Variants in CENPP observed in about 807,000 individuals in gnomAD.
CENPP encodes the protein centromere protein P.
CENPP carries 24 observed loss-of-function variants against 35.6 expected under a neutral mutation model. The ratio of observed to expected loss-of-function variants is 0.67; its 90% CI spans 0.49 to 0.95. The LOEUF is 0.95. CENPP is among the 40% of genes least tolerant of loss of function. CENPP has a pLI of 0.00. For synonymous variants in CENPP, 120 were observed against 125.5 expected, an observed-to-expected ratio of 0.96 and a Z score of 0.29; for missense variants, 332 against 345.3, an observed-to-expected ratio of 0.96 and a Z score of 0.31.
rs1315247476 is a variant in CENPP, at chr9:92,539,333, GC to G, written c.565-71979del. 7.6e-4 allele frequency: 114 copies of G among 150,694 alleles called. 1 individual carries two copies. Among genetic ancestry groups the G allele is most frequent in the African/African-American group, 2.6e-3 (106 of 40,644 alleles). 9.3% of individuals were successfully genotyped at this position (150,694 alleles called of 1,614,324 possible). A position where few individuals can be genotyped will look rare whatever the true frequency, so the allele number is the denominator to read the frequency against. On this transcript the variant is annotated intron_variant, in intron 5 of 7. Transcript: ENST00000375587. Reference sequence around the variant, plus strand: ...GCTTCAATCCTGCCAGGTTTCTCCCGCCTTCCCCCGCTCCCCCACCCCCCAC... The same window carrying G: ...GCTTCAATCCTGCCAGGTTTCTCCCGCTTCCCCCGCTCCCCCACCCCCCAC...
chr9:92,383,699 C>T (rs561563287), intron 5 of CENPP, among the ~76,000 whole-genome samples: 1 of 151,842 alleles, frequency 6.6e-6, no homozygotes, highest in Non-Finnish European at 1.5e-5. Flanking sequence ...CATATATATC[C>T]TCTTATCTAG....
chr9:92,552,716 A>G (rs1849642232), intron 5 of CENPP, among the ~76,000 whole-genome samples: 1 of 151,634 alleles, frequency 6.6e-6, no homozygotes, highest in South Asian at 2.1e-4. Context: ...GATTTGTTTG[A>G]GTTCGTTGTA....
At chr9:92,591,503 T>C (rs2131918) in intron 5 of CENPP, among the ~76,000 whole-genome samples, 100,473 of 151,070 alleles carry the variant, frequency 0.67, 35,081 homozygotes, top group African/African-American at 0.89. Flanking sequence ...TGTGTGTCAA[T>C]CCTAACTCAA....
intron 3 of CENPP, chr9:92,339,577 G>C (rs1034759395): frequency 2.6e-5 from 4 of 152,246 alleles, no homozygotes; most frequent in African/African-American, 7.2e-5. Flanking sequence ...GTGTAGTATA[G>C]CATTGCCTAG....
chr9:92,415,011 CCAA>C, intron 5 of CENPP: 2 of 585,776 alleles, frequency 3.4e-6, no homozygotes, highest in Non-Finnish European at 5.6e-6. Flanking sequence ...GCAGATGTCA[CCAA>C]CAACTTAAAT....
chr9:92,593,604 TGTTTTGA>T lies in CENPP; in HGVS notation c.565-17704_565-17698del, dbSNP rs966731484. On this transcript the variant is annotated intron_variant, in intron 5 of 7. Coordinates refer to ENST00000375587, the MANE Select transcript of CENPP (RefSeq NM_001012267.3). The surrounding 1 kb of genome is among the most constrained non-coding windows in gnomAD (Gnocchi z 4.1). The stretch of plus-strand genomic sequence containing the variant: ...TGGTGTTTGCTACTCTTCTGTTATC[TGTTTTGA>T]GTTTTAAGTCAAGCCCATAATAAGC... 2.6e-5 allele frequency among the ~76,000 whole-genome samples: 4 copies of T among 152,214 alleles called. No individual in the cohort carries two copies. Among genetic ancestry groups the T allele is most frequent in the African/African-American group, 7.2e-5 (3 of 41,448 alleles).
intron 5 of CENPP, among the ~76,000 whole-genome samples, chr9:92,590,685 T>C (rs1000409874): frequency 6.6e-6 from 1 of 152,246 alleles, no homozygotes; most frequent in African/African-American, 2.4e-5. Context: ...GTACAATCCC[T>C]TTCCATGTGT....
intron 5 of CENPP, chr9:92,386,203 G>T: frequency 1.3e-6 from 2 of 1,596,480 alleles, no homozygotes; most frequent in South Asian, 2.2e-5. Context: ...TATCATACCT[G>T]AAGATGAATT....
intron 5 of CENPP, among the ~76,000 whole-genome samples, chr9:92,567,377 T>TATAGATATATATATATATAGATATAG (rs1401492838): frequency 2.3e-5 from 2 of 87,542 alleles, no homozygotes; most frequent in African/African-American, 1.2e-4. Flanking sequence ...AAGATAGATA[T>TATAGATATATATATATATAGATATAG]ATATATATAT....
intron 5 of CENPP, among the ~76,000 whole-genome samples, chr9:92,606,840 A>G (rs1316843330): frequency 1.3e-5 from 2 of 152,004 alleles, no homozygotes; most frequent in Non-Finnish European, 2.9e-5. Context: ...GGAGGTGCCT[A>G]TAGTCCCAGC....
intron 4 of CENPP, among the ~76,000 whole-genome samples, chr9:92,362,993 CTTA>C (rs771075549): frequency 8.5e-5 from 13 of 152,152 alleles, no homozygotes; most frequent in Admixed American, 3.3e-4. Context: ...GTGTTAATTC[CTTA>C]TTATATTTTT....
intron 5 of CENPP, among the ~76,000 whole-genome samples, chr9:92,512,398 C>G (rs980301595): frequency 6.6e-6 from 1 of 152,164 alleles, no homozygotes; most frequent in Non-Finnish European, 1.5e-5. Flanking sequence ...CTTAACACAG[C>G]CAGAATGTGG....
At chr9:92,389,764 G>A (rs1842592741) in intron 5 of CENPP, 4 of 789,670 alleles carry the variant, frequency 5.1e-6, no homozygotes, top group Admixed American at 5.6e-5. Flanking sequence ...GTTTTTAAGT[G>A]TAATCAAAAT....
Position 92,326,636 on chromosome 9 carries a change from A to G in CENPP, c.107+531A>G, listed in dbSNP as rs376271248. Among the ~76,000 whole-genome samples the G allele has an allele frequency of 1.4e-4, 21 of 152,344 alleles. No homozygotes were observed. In the East Asian group the frequency reaches 1.7e-3, roughly 13 times the overall value. ...TGTTAGCCCTGTTTTATAGTTGAAG[A>G]AACTGAGGCTCAGAGAAGTTAGGTA... On this transcript the variant is annotated intron_variant, in intron 1 of 7. Transcript: ENST00000375587.
chr9:92,331,017 G>A (rs1439410742), intron 1 of CENPP, among the ~76,000 whole-genome samples: 1 of 151,746 alleles, frequency 6.6e-6, no homozygotes, highest in Non-Finnish European at 1.5e-5. Context: ...TTTTCTCAAG[G>A]AAAATATATT....
At chr9:92,490,037 C>T (rs1183781302) in intron 5 of CENPP, among the ~76,000 whole-genome samples, 1 of 152,218 alleles carries the variant, frequency 6.6e-6, no homozygotes, top group Non-Finnish European at 1.5e-5. Flanking sequence ...GGCCTGGAAG[C>T]CTTGAGCGAG....
At chr9:92,580,212 T>A (rs1483194720) in intron 5 of CENPP, among the ~76,000 whole-genome samples, 1 of 152,150 alleles carries the variant, frequency 6.6e-6, no homozygotes, top group Non-Finnish European at 1.5e-5. Context: ...GCCAGTATTT[T>A]ATTGAGGATT....
intron 5 of CENPP, chr9:92,522,587 T>C: frequency 6.2e-7 from 1 of 1,612,154 alleles, no homozygotes; most frequent in Non-Finnish European, 8.5e-7. Context: ...GGTAACACAT[T>C]ATAACTTGAT....
rs1213825480 is a variant in CENPP, at chr9:92,594,892, C to CTTTT, written c.565-16404_565-16401dup. Among the ~76,000 whole-genome samples the CTTTT allele has an allele frequency of 8.6e-3, 904 of 104,724 alleles. 2 individuals are homozygous for CTTTT. Among genetic ancestry groups the CTTTT allele is most frequent in the East Asian group, 0.023 (78 of 3,392 alleles). 68.7% of individuals were successfully genotyped at this position (104,724 alleles called of 152,430 possible). On this transcript the variant is annotated intron_variant, in intron 5 of 7. Transcript: ENST00000375587. The stretch of plus-strand genomic sequence containing the variant: ...GTCCTGGATGTGAGAGGTTGCTCTT[C>CTTTT]TTTTTTTTTTTTTTTTTTTTTGAGA...
Sources: allele counts gnomAD v4.1 joint callset (sites outside exome capture counted in the v4.1 genomes callset), GRCh38; gene constraint gnomAD v4.1.1; non-coding constraint Gnocchi (gnomAD v3.1); transcripts MANE v1.5; gene names NCBI Gene and HGNC (gene_info 2026-07-23, HGNC 2026-07-21).